Variants in ARHGEF26 observed in about 807,000 individuals in gnomAD.
The protein encoded by ARHGEF26 is Rho guanine nucleotide exchange factor (GEF) 26.
Under a neutral mutation model 89.4 loss-of-function variants are expected in ARHGEF26, and 59 were observed. The ratio of observed to expected loss-of-function variants is 0.66; its 90% CI spans 0.54 to 0.82. ARHGEF26 has a LOEUF of 0.82. ARHGEF26 is among the 40% of genes least tolerant of loss of function. The pLI is 0.00. For synonymous variants in ARHGEF26, 500 were observed against 428.4 expected (o/e 1.17, Z -2.06); for missense variants, 1,234 against 1,085.6 (o/e 1.14, Z -1.92).
intron 10 of ARHGEF26, among the ~76,000 whole-genome samples, chr3:154,218,417 T>G (rs1479659845): frequency 6.6e-6 from 1 of 152,236 alleles, no homozygotes; most frequent in East Asian, 1.9e-4. Context: ...TGTTTTTCTC[T>G]CATAATTTTT....
chr3:154,246,726 C>T (rs142794924), intron 12 of ARHGEF26, among the ~76,000 whole-genome samples: 2 of 152,154 alleles, frequency 1.3e-5, no homozygotes, highest in East Asian at 1.9e-4. Flanking sequence ...AGGGGAGTCC[C>T]GATGTTGGCT....
chr3:154,215,042 T>G (rs1319692433), intron 9 of ARHGEF26, among the ~76,000 whole-genome samples: 1 of 152,170 alleles, frequency 6.6e-6, no homozygotes, highest in East Asian at 1.9e-4. Context: ...TAGCATAAAT[T>G]GGATCATGTC....
intron 7 of ARHGEF26, 66 bp from the exon 8 acceptor site, chr3:154,191,223 T>C: frequency 6.6e-7 from 1 of 1,506,912 alleles, no homozygotes; most frequent in South Asian, 1.2e-5. Context: ...TGTAATACAT[T>C]TTTACTTGCT....
chr3:154,183,272 G>C (rs1398869441), intron 6 of ARHGEF26, among the ~76,000 whole-genome samples: 1 of 152,114 alleles, frequency 6.6e-6, no homozygotes, highest in Non-Finnish European at 1.5e-5. Context: ...TTTCTCTTTA[G>C]TGGTGAGATT....
chr3:154,239,289 A>AGTGTGTGTGTGT (rs1717328853), intron 11 of ARHGEF26, among the ~76,000 whole-genome samples: 1 of 103,590 alleles, frequency 9.7e-6, no homozygotes, highest in East Asian at 2.9e-4. Context: ...AGAGAGAGAG[A>AGTGTGTGTGTGT]GAGAGAGAGA....
At chr3:154,194,582 T>C in intron 8 of ARHGEF26, 62 bp from the exon 9 acceptor site, 1 of 1,213,294 alleles carries the variant, frequency 8.2e-7, no homozygotes, top group Non-Finnish European at 1.2e-6. Flanking sequence ...TGGCTGGACA[T>C]TGGTTTTATT....
chr3:154,150,746 C>G (rs1719972782), intron 5 of ARHGEF26, among the ~76,000 whole-genome samples: 1 of 152,042 alleles, frequency 6.6e-6, no homozygotes, highest in African/African-American at 2.4e-5. Context: ...GATATTAATC[C>G]CATTTGAACA....
At chr3:154,146,221 G>A (rs1719697708) in intron 4 of ARHGEF26, among the ~76,000 whole-genome samples, 1 of 152,240 alleles carries the variant, frequency 6.6e-6, no homozygotes, top group African/African-American at 2.4e-5. Context: ...CGTGGTAGAA[G>A]GGTTAGGGGT....
At chr3:154,205,443 C>T (rs868577491) in intron 9 of ARHGEF26, among the ~76,000 whole-genome samples, 3 of 151,922 alleles carry the variant, frequency 2.0e-5, no homozygotes. Context: ...ATCAATCAGT[C>T]TTGTTTTTTC....
chr3:154,206,746 A>G (rs1305431248), intron 9 of ARHGEF26, among the ~76,000 whole-genome samples: 1 of 152,210 alleles, frequency 6.6e-6, no homozygotes. Context: ...TTCTTCACAG[A>G]ATTAGAAAAA....
At chr3:154,143,083 T>C (rs1354898283) in intron 4 of ARHGEF26, among the ~76,000 whole-genome samples, 1 of 152,220 alleles carries the variant, frequency 6.6e-6, no homozygotes, top group East Asian at 1.9e-4. Flanking sequence ...GTTTCTTTTT[T>C]GGGAGAGGAT....
intron 11 of ARHGEF26, among the ~76,000 whole-genome samples, chr3:154,233,493 A>G (rs757405077): frequency 2.0e-5 from 3 of 152,228 alleles, no homozygotes; most frequent in Non-Finnish European, 4.4e-5. Context: ...ATTGGAGGAA[A>G]GTAGGAAGAA....
At chr3:154,216,434 C>T (rs1052132463) in intron 9 of ARHGEF26, among the ~76,000 whole-genome samples, 1 of 149,402 alleles carries the variant, frequency 6.7e-6, no homozygotes, top group Non-Finnish European at 1.5e-5. Context: ...TTGAAGAATC[C>T]TTCACTGTTA....
At chr3:154,157,628 T>C (rs1711498867) in intron 6 of ARHGEF26, among the ~76,000 whole-genome samples, 1 of 152,104 alleles carries the variant, frequency 6.6e-6, no homozygotes, top group African/African-American at 2.4e-5. Flanking sequence ...GACAGGGGCC[T>C]CCAAGGGATA....
At chr3:154,140,832 C>T (rs937366338) in intron 4 of ARHGEF26, among the ~76,000 whole-genome samples, 4 of 152,138 alleles carry the variant, frequency 2.6e-5, no homozygotes, top group East Asian at 3.9e-4. Context: ...CTGCTCGCCT[C>T]GGCTTCCCAA....
intron 9 of ARHGEF26, among the ~76,000 whole-genome samples, chr3:154,205,124 G>T (rs1484865930): frequency 1.3e-5 from 2 of 152,042 alleles, no homozygotes; most frequent in African/African-American, 4.8e-5. Flanking sequence ...AGCTATTATG[G>T]TACTATGGTG....
At chr3:154,230,822 T>G (rs1354432450) in intron 11 of ARHGEF26, among the ~76,000 whole-genome samples, 3 of 152,158 alleles carry the variant, frequency 2.0e-5, no homozygotes, top group Non-Finnish European at 4.4e-5. Flanking sequence ...TTTATAAAAT[T>G]TTCTGTAATA....
chr3:154,154,478 CTTT>C (rs953659404), intron 6 of ARHGEF26, among the ~76,000 whole-genome samples: 9 of 151,902 alleles, frequency 5.9e-5, no homozygotes, highest in African/African-American at 2.2e-4. Context: ...TAAATAGGTA[CTTT>C]TTTATGTATC....
chr3:154,234,496 C>T (rs946113755), intron 11 of ARHGEF26, among the ~76,000 whole-genome samples: 2 of 152,104 alleles, frequency 1.3e-5, no homozygotes, highest in African/African-American at 4.8e-5. Context: ...AGCTTGGGTC[C>T]AAGGAAATAT....
Sources: allele counts gnomAD v4.1 joint callset (sites outside exome capture counted in the v4.1 genomes callset), GRCh38; gene constraint gnomAD v4.1.1; transcripts MANE v1.5; gene names NCBI Gene and HGNC (gene_info 2026-07-23, HGNC 2026-07-21).